Variants in PLCG2 observed in about 807,000 individuals in gnomAD.
PLCG2 encodes the protein 1-phosphatidylinositol 4,5-bisphosphate phosphodiesterase gamma-2.
Under a neutral mutation model 175.6 loss-of-function variants are expected in PLCG2, and 69 were observed. The ratio of observed to expected loss-of-function variants is 0.39; its 90% CI spans 0.32 to 0.48. The LOEUF is 0.48. Among genes scored for constraint, PLCG2 ranks in the 20% least tolerant of loss-of-function variants. The pLI is 0.91. For synonymous variants in PLCG2, 827 were observed against 624.0 expected (o/e 1.33, Z -4.85); for missense variants, 1,798 against 1,650.9 (o/e 1.09, Z -1.54).
intron 2 of PLCG2, among the ~76,000 whole-genome samples, chr16:81,823,081 A>G (rs948617708): frequency 2.6e-5 from 4 of 152,384 alleles, no homozygotes; most frequent in Admixed American, 2.0e-4. Flanking sequence ...GCCGTAGGGC[A>G]CTTATAAAGC....
rs866761235 is a variant in PLCG2, at chr16:81,768,905, T to G, written c.-48+12939T>G. ...TTTTTATTTTAACCATTTTAATAGG[T>G]GCGTATTTTTTGTTCAACCAGTTGG... On this transcript the variant is annotated intron_variant, in intron 2 of 5. Coordinates refer to the PLCG2 transcript ENST00000565054. Among the ~76,000 whole-genome samples the G allele has an allele frequency of 6.2e-4, 94 of 151,986 alleles. 1 individual carries two copies. Among genetic ancestry groups the G allele is most frequent in the African/African-American group, 2.2e-3 (91 of 41,446 alleles).
At chr16:81,820,717 T>G (rs1904758001) in intron 2 of PLCG2, among the ~76,000 whole-genome samples, 1 of 152,096 alleles carries the variant, frequency 6.6e-6, no homozygotes, top group Non-Finnish European at 1.5e-5. Context: ...GCCTCCCAGG[T>G]TCAAGCAATC....
At chr16:81,766,309 T>C (rs1910148260) in intron 2 of PLCG2, among the ~76,000 whole-genome samples, 1 of 152,204 alleles carries the variant, frequency 6.6e-6, no homozygotes. Context: ...CTGTTTCTCC[T>C]CTGCAGGGCT....
At chr16:81,884,235 C>T (rs1908239567) in intron 9 of PLCG2, among the ~76,000 whole-genome samples, 1 of 152,174 alleles carries the variant, frequency 6.6e-6, no homozygotes, top group Non-Finnish European at 1.5e-5. Flanking sequence ...CCTGTAATCC[C>T]AGCTACCTGG....
At chr16:81,771,846 G>A (rs1351238998) in intron 2 of PLCG2, among the ~76,000 whole-genome samples, 1 of 152,088 alleles carries the variant, frequency 6.6e-6, no homozygotes, top group African/African-American at 2.4e-5. Context: ...TGCCAGGGCA[G>A]GATCTCCGCT....
chr16:81,742,726 G>A (rs1909622047), intron 1 of PLCG2, among the ~76,000 whole-genome samples: 1 of 152,164 alleles, frequency 6.6e-6, no homozygotes, highest in South Asian at 2.1e-4. Context: ...TGGGTGCTAT[G>A]AAGGAAAGAG....
At chr16:81,903,272 A>G (rs922547253) in intron 14 of PLCG2, among the ~76,000 whole-genome samples, 2 of 152,214 alleles carry the variant, frequency 1.3e-5, no homozygotes, top group Admixed American at 1.3e-4. Context: ...ACCAAGATAC[A>G]TTGGACACAA....
At position 81,957,923 on chromosome 16, in the gene PLCG2, C is replaced by T. The variant is rs771051853; in HGVS notation, c.3756-33C>T. 4 of 1,603,136 alleles carry T rather than the reference C, an allele frequency of 2.5e-6. No homozygotes were observed. In the Admixed American group the frequency reaches 5.0e-5, roughly 20 times the overall value. On this transcript the variant is annotated intron_variant, in intron 32 of 32. Transcript: ENST00000564138. Reference sequence around the variant, plus strand: ...CAGCACGCAGCCCATTTCTCATGGCCCACTGCTGATGGTGAAATCTGTTTT... The same window carrying T: ...CAGCACGCAGCCCATTTCTCATGGCTCACTGCTGATGGTGAAATCTGTTTT...
At chr16:81,860,172 A>ATTATTTTT (rs763047744) in intron 5 of PLCG2, among the ~76,000 whole-genome samples, 9 of 120,614 alleles carry the variant, frequency 7.5e-5, no homozygotes, top group South Asian at 2.7e-4. Context: ...TATTATTATT[A>ATTATTTTT]TTTTTTTTTT....
At chr16:81,907,587 C>T in intron 15 of PLCG2, 98 bp from the exon 16 acceptor site, 1 of 669,916 alleles carries the variant, frequency 1.5e-6, no homozygotes, top group South Asian at 2.0e-5. Flanking sequence ...AAAGCACATC[C>T]ATAGTAGATG....
Position 81,878,638 on chromosome 16 carries a change from T to G in PLCG2, c.649-2272T>G, listed in dbSNP as rs531942783. ...TTCCCGTCTTGTTTCCATCCCTGCC[T>G]CCTAGAGCACTTCATCTTGGCACGT... is the stretch of plus-strand genomic sequence containing the variant. On this transcript the variant is annotated intron_variant, in intron 7 of 32. Transcript: ENST00000564138. 4.6e-5 allele frequency among the ~76,000 whole-genome samples: 7 copies of G among 152,282 alleles called. No homozygotes were observed. The South Asian group carries it at 1.4e-3, about 32-fold the overall frequency.
chr16:81,742,713 C>T (rs958174053), intron 1 of PLCG2, among the ~76,000 whole-genome samples: 5 of 152,158 alleles, frequency 3.3e-5, no homozygotes, highest in African/African-American at 9.7e-5. Context: ...TGTTACCCCA[C>T]GGTGGGTGCT....
At chr16:81,882,710 A>C in intron 8 of PLCG2, among the ~76,000 whole-genome samples, 1 of 148,438 alleles carries the variant, frequency 6.7e-6, no homozygotes, top group African/African-American at 2.5e-5. Flanking sequence ...CTTGCCAGGT[A>C]CTCTCTGCAC....
At chr16:81,950,063 G>A (rs1324719463) in intron 31 of PLCG2, among the ~76,000 whole-genome samples, 1 of 152,130 alleles carries the variant, frequency 6.6e-6, no homozygotes, top group Admixed American at 6.5e-5. Flanking sequence ...GACCAAGAGA[G>A]TAAAAATAAT....
At chr16:81,862,321 A>G (rs1338349054) in intron 5 of PLCG2, among the ~76,000 whole-genome samples, 2 of 152,230 alleles carry the variant, frequency 1.3e-5, no homozygotes, top group Non-Finnish European at 2.9e-5. Context: ...CTAGAGGCAA[A>G]TGGTAGCAGC....
At chr16:81,870,963 A>G in intron 7 of PLCG2, 28 bp downstream of exon 7, 1 of 1,245,898 alleles carries the variant, frequency 8.0e-7, no homozygotes, top group Non-Finnish European at 1.2e-6. Flanking sequence ...CAAGTGATCA[A>G]GTGATGTTTC....
intron 26 of PLCG2, among the ~76,000 whole-genome samples, chr16:81,935,268 A>C (rs1567540008): frequency 6.6e-6 from 1 of 151,914 alleles, no homozygotes; most frequent in Non-Finnish European, 1.5e-5. Flanking sequence ...CTGCTTCCCT[A>C]TTATAAGGAC....
intron 28 of PLCG2, among the ~76,000 whole-genome samples, 167 bp downstream of exon 28, chr16:81,938,070 C>G (rs968292129): frequency 6.6e-6 from 1 of 152,136 alleles, no homozygotes; most frequent in African/African-American, 2.4e-5. Flanking sequence ...ACAGTACACT[C>G]CGGGGTCGTT....
intron 1 of PLCG2, among the ~76,000 whole-genome samples, chr16:81,741,790 G>A (rs964841229): frequency 2.6e-5 from 4 of 151,986 alleles, no homozygotes; most frequent in African/African-American, 9.7e-5. Flanking sequence ...TAGCCTGGGC[G>A]AAGAGAGACT....
Sources: allele counts gnomAD v4.1 joint callset (sites outside exome capture counted in the v4.1 genomes callset), GRCh38; gene constraint gnomAD v4.1.1; transcripts MANE v1.5; gene names NCBI Gene and HGNC (gene_info 2026-07-23, HGNC 2026-07-21).